Variants in CNTN1 observed in about 807,000 individuals in gnomAD.
CNTN1 encodes contactin-1.
CNTN1 carries 38 observed loss-of-function variants against 126.4 expected under a neutral mutation model. The ratio of observed to expected loss-of-function variants is 0.30; its 90% CI spans 0.23 to 0.39. CNTN1 has a LOEUF of 0.39. Among genes scored for constraint, CNTN1 ranks in the 10% least tolerant of loss-of-function variants. The pLI is 1.00. For synonymous variants in CNTN1, 413 were observed against 422.6 expected (o/e 0.98, Z 0.28); for missense variants, 1,009 against 1,248.4 (o/e 0.81, Z 2.89).
chr12:40,761,973 T>G (rs561125169), intron 1 of CNTN1, among the ~76,000 whole-genome samples: 2 of 152,234 alleles, frequency 1.3e-5, no homozygotes, highest in East Asian at 3.9e-4. Flanking sequence ...ATAACTGATT[T>G]CTCTGTTTTT....
intron 15 of CNTN1, among the ~76,000 whole-genome samples, chr12:40,977,950 T>C (rs544515889): frequency 6.6e-6 from 1 of 152,098 alleles, no homozygotes; most frequent in South Asian, 2.1e-4. Flanking sequence ...TTATTAGGTG[T>C]GTACTGCCAT....
At chr12:40,737,341 GTGTA>G (rs1224149463) in intron 1 of CNTN1, among the ~76,000 whole-genome samples, 2 of 111,718 alleles carry the variant, frequency 1.8e-5, no homozygotes, top group African/African-American at 6.7e-5. Context: ...GTGTGTGTGT[GTGTA>G]TATATGTGTG....
At chr12:40,745,119 T>A (rs1938128132) in intron 1 of CNTN1, among the ~76,000 whole-genome samples, 1 of 152,170 alleles carries the variant, frequency 6.6e-6, no homozygotes, top group South Asian at 2.1e-4. Context: ...ATTTCCCAAC[T>A]GGGAGATATG....
intron 1 of CNTN1, among the ~76,000 whole-genome samples, chr12:40,889,302 A>G (rs1379129773): frequency 3.9e-5 from 6 of 152,224 alleles, no homozygotes; most frequent in Non-Finnish European, 1.5e-5. Context: ...GAAAGAAAAC[A>G]AAACAAAATT....
chr12:40,712,074 T>C (rs1169615474), intron 1 of CNTN1, among the ~76,000 whole-genome samples: 3 of 152,174 alleles, frequency 2.0e-5, no homozygotes, highest in Non-Finnish European at 4.4e-5. Flanking sequence ...TGCCTTGAAT[T>C]CACTCTATAC....
chr12:40,725,180 T>G (rs1942317380), intron 1 of CNTN1, among the ~76,000 whole-genome samples: 1 of 152,040 alleles, frequency 6.6e-6, no homozygotes, highest in Non-Finnish European at 1.5e-5. Flanking sequence ...GGCCGGTGGA[T>G]CACCTGAGGT....
intron 1 of CNTN1, among the ~76,000 whole-genome samples, chr12:40,748,687 A>C (rs2136393683): frequency 6.6e-6 from 1 of 152,224 alleles, no homozygotes; most frequent in Middle Eastern, 3.4e-3. Flanking sequence ...CACAAAAAGT[A>C]ATGTTAATGT....
chr12:40,762,552 A>G (rs1243815506), intron 1 of CNTN1, among the ~76,000 whole-genome samples: 1 of 152,214 alleles, frequency 6.6e-6, no homozygotes, highest in Non-Finnish European at 1.5e-5. Context: ...AACTGAGCAT[A>G]AGTTCAAAAC....
At chr12:40,946,905 CT>C (rs1946452833) in intron 14 of CNTN1, among the ~76,000 whole-genome samples, 1 of 151,886 alleles carries the variant, frequency 6.6e-6, no homozygotes, top group Non-Finnish European at 1.5e-5. Flanking sequence ...GCATTTGCTC[CT>C]ACTTATGAAT....
chr12:40,692,729 G>C (rs1277635483), intron 1 of CNTN1, 137 bp downstream of exon 1: 2 of 154,036 alleles, frequency 1.3e-5, no homozygotes, highest in Non-Finnish European at 2.9e-5. Context: ...CTCGCCGTGC[G>C]GCGCGGGAAG....
At chr12:41,021,218 A>G (rs1485326791) in intron 20 of CNTN1, among the ~76,000 whole-genome samples, 1 of 152,222 alleles carries the variant, frequency 6.6e-6, no homozygotes, top group Non-Finnish European at 1.5e-5. Context: ...TGTCACTTAC[A>G]GAAAGTGTCA....
At chr12:40,887,557 C>G (rs1346992804) in intron 1 of CNTN1, among the ~76,000 whole-genome samples, 1 of 152,086 alleles carries the variant, frequency 6.6e-6, no homozygotes, top group African/African-American at 2.4e-5. Context: ...CACTTTTACA[C>G]TGTTGGTGGG....
intron 1 of CNTN1, among the ~76,000 whole-genome samples, chr12:40,815,652 A>T (rs1941231580): frequency 6.6e-6 from 1 of 151,880 alleles, no homozygotes; most frequent in Non-Finnish European, 1.5e-5. Context: ...TCTTTCTGTT[A>T]CCTGATTGCC....
intron 1 of CNTN1, among the ~76,000 whole-genome samples, chr12:40,886,955 G>A (rs1944056581): frequency 6.6e-6 from 1 of 152,164 alleles, no homozygotes; most frequent in Admixed American, 6.5e-5. Flanking sequence ...GTACCATGCT[G>A]TTTTGGTTAC....
chr12:40,901,267 C>T (rs1304977707), intron 1 of CNTN1, among the ~76,000 whole-genome samples: 1 of 151,952 alleles, frequency 6.6e-6, no homozygotes. Flanking sequence ...ATTTAAAATC[C>T]GTTCTTGATC....
At chr12:41,030,809 A>G (rs943670335) in intron 23 of CNTN1, among the ~76,000 whole-genome samples, 1 of 152,184 alleles carries the variant, frequency 6.6e-6, no homozygotes, top group Non-Finnish European at 1.5e-5. Flanking sequence ...CCACTCTAAT[A>G]TTATTGTCTT....
chr12:40,765,405 A>G (rs1939041439), intron 1 of CNTN1, among the ~76,000 whole-genome samples: 2 of 152,194 alleles, frequency 1.3e-5, no homozygotes, highest in Admixed American at 6.5e-5. Context: ...GCTGATTCAC[A>G]GATTTGGGAG....
At chr12:40,823,289 T>C (rs1163733567) in intron 1 of CNTN1, among the ~76,000 whole-genome samples, 1 of 152,234 alleles carries the variant, frequency 6.6e-6, no homozygotes, top group Non-Finnish European at 1.5e-5. Flanking sequence ...CATTCTGTTA[T>C]GTCTGTGGTT....
At chr12:41,043,125 G>T (rs1406118185) in intron 23 of CNTN1, among the ~76,000 whole-genome samples, 1 of 152,120 alleles carries the variant, frequency 6.6e-6, no homozygotes, top group Non-Finnish European at 1.5e-5. Context: ...AAAAGCAATG[G>T]CAACAAAAGC....
Sources: allele counts gnomAD v4.1 joint callset (sites outside exome capture counted in the v4.1 genomes callset), GRCh38; gene constraint gnomAD v4.1.1; transcripts MANE v1.5; gene names NCBI Gene and HGNC (gene_info 2026-07-23, HGNC 2026-07-21).